The following BCKDHA variants were observed in gnomAD, a reference collection of about 807,000 sequenced individuals.
BCKDHA encodes 2-oxoisovalerate dehydrogenase subunit alpha, mitochondrial.
Under a neutral mutation model 52.2 loss-of-function variants are expected in BCKDHA, and 43 were observed. That is an observed-to-expected ratio of 0.82 (90% confidence interval 0.64 to 1.06). The LOEUF (loss-of-function observed/expected upper bound fraction) is 1.06, where lower values mean the gene tolerates loss of function less well. Among genes scored for constraint, BCKDHA ranks in the 50% least tolerant of loss-of-function variants. BCKDHA has a pLI of 0.00. For synonymous variants in BCKDHA, 234 were observed against 247.9 expected (o/e 0.94, Z 0.53); for missense variants, 527 against 621.3 (o/e 0.85, Z 1.61).
intron 1 of BCKDHA, among the ~76,000 whole-genome samples, chr19:41,404,421 C>T (rs1425182889): frequency 6.6e-6 from 1 of 151,766 alleles, no homozygotes. Context: ...TCCCGAGTAG[C>T]TGGGACTACA....
intron 4 of BCKDHA, among the ~76,000 whole-genome samples, chr19:41,416,880 C>T (rs150563019): frequency 2.6e-5 from 4 of 152,174 alleles, no homozygotes; most frequent in African/African-American, 7.2e-5. Context: ...ATTCCACCAC[C>T]GAACTCCAGT....
At chr19:41,416,411 T>C (rs896027152) in intron 4 of BCKDHA, among the ~76,000 whole-genome samples, 1 of 152,204 alleles carries the variant, frequency 6.6e-6, no homozygotes, top group Non-Finnish European at 1.5e-5. Context: ...AGCATTACCA[T>C]CAACTCTAAA....
rs1409042639 is a variant in BCKDHA, at chr19:41,414,098, T to G, written c.425T>G (p.Val142Gly). ...AACTATGGTGAGGAGGGCACGCACGTGGGGAGTGCCGCCGCCCTGGACAAC... is the reference window on the plus strand; with the variant it reads ...AACTATGGTGAGGAGGGCACGCACGGGGGGAGTGCCGCCGCCCTGGACAAC... ...MTNYGEEGTH[V>G]GSAAALDNTD... Residue 142 changes from valine to glycine, a missense_variant, in exon 4 of 9, where the codon GTG becomes GGG. Coordinates refer to ENST00000269980, the MANE Select transcript of BCKDHA (RefSeq NM_000709.4). The G allele has an allele frequency of 6.2e-7, 1 of 1,613,732 alleles. No homozygotes were observed. Among genetic ancestry groups the G allele is most frequent in the South Asian group, 1.1e-5 (1 of 91,088 alleles).
intron 1 of BCKDHA, among the ~76,000 whole-genome samples, chr19:41,404,887 GCCA>G (rs2039176690): frequency 6.6e-6 from 1 of 152,208 alleles, no homozygotes; most frequent in Non-Finnish European, 1.5e-5. Flanking sequence ...ACAGGCATGA[GCCA>G]CCGCACCCAG....
intron 1 of BCKDHA, among the ~76,000 whole-genome samples, chr19:41,407,105 G>A (rs1385636712): frequency 1.1e-4 from 16 of 152,292 alleles, no homozygotes; most frequent in African/African-American, 3.4e-4. Context: ...ATACAGTGTA[G>A]TCACTTCCCT....
rs918501850 is a variant in BCKDHA, at chr19:41,406,076, G to A, written c.109-4561G>A. On this transcript the variant is annotated intron_variant, in intron 1 of 8. Transcript: ENST00000269980. ...ATTTCCTCAGGACCAGGCACAGCGT[G>A]GAGCCCTTTGCATAGCTCACTGAAT... 2.4e-4 allele frequency among the ~76,000 whole-genome samples: 36 copies of A among 152,256 alleles called. 1 individual carries two copies. The highest frequency in any genetic ancestry group is 8.4e-4 in the African/African-American group (35 of 41,548).
chr19:41,413,853 C>G (rs569541660), intron 3 of BCKDHA, among the ~76,000 whole-genome samples, 196 bp from the exon 4 acceptor site: 1 of 152,170 alleles, frequency 6.6e-6, no homozygotes, highest in African/African-American at 2.4e-5. Context: ...CACAGCAACT[C>G]GATCCCTCTG....
intron 6 of BCKDHA, 56 bp from the exon 7 acceptor site, chr19:41,422,573 C>G: frequency 1.2e-6 from 2 of 1,610,784 alleles, no homozygotes; most frequent in East Asian, 2.2e-5. Flanking sequence ...CCCTTGGCCT[C>G]GTGCATGTTC....
chr19:41,397,980 A>T, intron 1 of BCKDHA, 45 bp downstream of exon 1: 3 of 1,523,112 alleles, frequency 2.0e-6, no homozygotes, highest in Non-Finnish European at 2.7e-6. Context: ...GGGATTAGGG[A>T]TGTAAAGGCT....
rs398123503 is a variant in BCKDHA, at chr19:41,419,282, C to T, written c.632C>T (p.Thr211Met). 8.1e-6 allele frequency: 13 copies of T among 1,613,490 alleles called. No homozygotes were observed. The highest frequency in any genetic ancestry group is 2.2e-5 in the East Asian group (1 of 44,876). The change falls in exon 5 of 9, where the codon ACG (threonine) becomes ATG (methionine). Residue 211 changes from threonine (T) to methionine (M), a missense_variant. Thr to Met is a moderately conservative substitution (Grantham distance 81). Transcript: ENST00000269980. ...GTCACTATCTCCTCTCCACTGGCCA[C>T]GCAGATCCCTCAGGGTGAGGATGCA... ...HFVTISSPLATQIPQAVGAAY... is the reference protein window; with the variant it reads ...HFVTISSPLAMQIPQAVGAAY...
At chr19:41,400,476 G>A (rs989925724) in intron 1 of BCKDHA, 3 of 151,902 alleles carry the variant, frequency 2.0e-5, no homozygotes, top group African/African-American at 7.3e-5. Flanking sequence ...CTGATCTAAG[G>A]TGATCTGCCC....
At chr19:41,417,895 G>A (rs1448694196) in intron 4 of BCKDHA, among the ~76,000 whole-genome samples, 2 of 150,996 alleles carry the variant, frequency 1.3e-5, no homozygotes, top group Non-Finnish European at 2.9e-5. Flanking sequence ...ATTGCATTCT[G>A]GGCAACAAGA....
intron 1 of BCKDHA, among the ~76,000 whole-genome samples, chr19:41,407,577 C>T (rs987558079): frequency 1.3e-5 from 2 of 152,188 alleles, no homozygotes; most frequent in African/African-American, 2.4e-5. Context: ...AAGGGGAGGC[C>T]TGCAGTGACA....
chr19:41,421,789 T>G (rs2039368757), intron 5 of BCKDHA, among the ~76,000 whole-genome samples: 1 of 152,042 alleles, frequency 6.6e-6, no homozygotes, highest in Non-Finnish European at 1.5e-5. Context: ...GATAAGGGAT[T>G]GGGCAGTGTG....
At chr19:41,414,891 C>T (rs1394206652) in intron 4 of BCKDHA, among the ~76,000 whole-genome samples, 1 of 152,188 alleles carries the variant, frequency 6.6e-6, no homozygotes, top group Non-Finnish European at 1.5e-5. Context: ...ATGCTTGGGG[C>T]AAGTTGCTTA....
intron 5 of BCKDHA, 74 bp downstream of exon 5, chr19:41,419,370 G>T (rs571086889): frequency 5.9e-6 from 9 of 1,535,470 alleles, no homozygotes; most frequent in Admixed American, 3.9e-5. Flanking sequence ...CAGCTCTTTT[G>T]CCTGCCTTCT....
intron 1 of BCKDHA, among the ~76,000 whole-genome samples, chr19:41,409,107 G>A (rs1284790204): frequency 6.6e-6 from 1 of 151,978 alleles, no homozygotes; most frequent in African/African-American, 2.4e-5. Context: ...GCGCAACCAC[G>A]CCCAGCTAAT....
In BCKDHA at chr19:41,410,966, T is replaced by C. The variant is rs1568503938; in HGVS notation, c.332T>C (p.Leu111Pro). The change falls in exon 3 of 9, where the codon CTG (leucine) becomes CCG (proline). Residue 111 changes from leucine to proline, a missense_variant. Leu to Pro is a moderately conservative substitution (Grantham distance 98, BLOSUM62 -3). Transcript: ENST00000269980. ...CTGAAGCTCTACAAGAGCATGACAC[T>C]GCTTAACACCATGGACCGCATCCTC... ...KVLKLYKSMT[L>P]LNTMDRILYE... The C allele has an allele frequency of 6.2e-7, 1 of 1,614,142 alleles. No homozygotes were observed. The highest frequency in any genetic ancestry group is 8.5e-7 in the Non-Finnish European group (1 of 1,180,026).
intron 5 of BCKDHA, among the ~76,000 whole-genome samples, chr19:41,420,332 C>G (rs1046760906): frequency 5.9e-5 from 9 of 152,078 alleles, no homozygotes; most frequent in Non-Finnish European, 1.2e-4. Context: ...TTCCTGTTTT[C>G]AAGAGCAGGA....
Sources: allele counts gnomAD v4.1 joint callset (sites outside exome capture counted in the v4.1 genomes callset), GRCh38; gene constraint gnomAD v4.1.1; transcripts MANE v1.5; gene names NCBI Gene and HGNC (gene_info 2026-07-23, HGNC 2026-07-21).